The following SMYD4 variants were observed in gnomAD, a reference collection of about 807,000 sequenced individuals.
The protein encoded by SMYD4 is SET and MYND domain containing 4.
A neutral mutation model predicts 72.8 loss-of-function variants in SMYD4; 68 were observed. The ratio of observed to expected loss-of-function variants is 0.93; its 90% CI spans 0.77 to 1.14. The LOEUF (loss-of-function observed/expected upper bound fraction) is 1.14, where lower values mean the gene tolerates loss of function less well. Among genes scored for constraint, SMYD4 ranks in the 50% most tolerant of loss-of-function variants. The pLI is 0.00. For missense variants in SMYD4, 984 were observed against 1,003.7 expected (o/e 0.98, Z 0.27); for synonymous variants, 407 against 388.6 (o/e 1.05, Z -0.56).
At chr17:1,783,184 C>T (rs1053983663) in intron 9 of SMYD4, 26 bp from the exon 10 acceptor site, 5 of 1,613,844 alleles carry the variant, frequency 3.1e-6, no homozygotes, top group East Asian at 2.2e-5. Flanking sequence ...AATCTTGTTC[C>T]AGAAAAGAAC....
chr17:1,794,087 A>ATATGTGTG (rs1284592893), intron 5 of SMYD4, among the ~76,000 whole-genome samples: 1 of 21,112 alleles, frequency 4.7e-5, no homozygotes, highest in African/African-American at 1.8e-4. Flanking sequence ...ATGTGTATAT[A>ATATGTGTG]TATATATATA....
chr17:1,784,635 C>T (rs1163879156), intron 7 of SMYD4, 174 bp from the exon 8 acceptor site: 1 of 925,784 alleles, frequency 1.1e-6, no homozygotes, highest in Non-Finnish European at 1.3e-6. Context: ...GCAATGGCGG[C>T]AATTCTAATG....
Position 1,783,427 on chromosome 17 carries a change from GAAGC to G in SMYD4, c.2066_2069del (p.Ser689ThrfsTer23), listed in dbSNP as rs1567763516. On this transcript the variant is annotated frameshift_variant, in exon 9 of 11. Coordinates refer to ENST00000305513, the MANE Select transcript of SMYD4 (RefSeq NM_052928.3). LOFTEE classifies it high-confidence loss of function. Reference sequence around the variant, plus strand: ...CCACCACGGCGTGCTCTGCCCACAGGAAGCTCTCGGCGTCACGCTGGCACCCCGA... The same window carrying G: ...CCACCACGGCGTGCTCTGCCCACAGGTCTCGGCGTCACGCTGGCACCCCGA... The G allele has an allele frequency of 1.2e-6, 2 of 1,612,786 alleles. No homozygotes were observed. The highest frequency in any genetic ancestry group is 2.2e-5 in the South Asian group (2 of 90,994).
intron 7 of SMYD4, among the ~76,000 whole-genome samples, chr17:1,784,780 C>CT (rs1250780482): frequency 2.0e-5 from 3 of 151,636 alleles, no homozygotes; most frequent in South Asian, 2.1e-4. Flanking sequence ...ACAAACATTT[C>CT]TTTTTTTTGA....
At chr17:1,782,688 TG>T in intron 10 of SMYD4, 1 of 200,798 alleles carries the variant, frequency 5.0e-6, no homozygotes, top group South Asian at 7.9e-5. Flanking sequence ...GGAGGGTGGG[TG>T]GGGCTGCCTG....
intron 2 of SMYD4, among the ~76,000 whole-genome samples, chr17:1,825,559 T>C (rs1911124971): frequency 6.7e-6 from 1 of 150,292 alleles, no homozygotes; most frequent in South Asian, 2.1e-4. Flanking sequence ...TCACCCAGGC[T>C]GGAGTGCAGT....
chr17:1,829,153 C>A (rs943047720), intron 1 of SMYD4, among the ~76,000 whole-genome samples: 1 of 152,166 alleles, frequency 6.6e-6, no homozygotes, highest in Admixed American at 6.6e-5. Context: ...CAACGCTACT[C>A]CAAGCATACC....
At chr17:1,817,001 G>T (rs1910634008) in intron 2 of SMYD4, among the ~76,000 whole-genome samples, 1 of 149,438 alleles carries the variant, frequency 6.7e-6, no homozygotes, top group African/African-American at 2.5e-5. Context: ...CTCCCATTCT[G>T]TGGGTTATCC....
rs1395444394 is a variant in SMYD4 at position 1,784,475 on chromosome 17, TTTTCTCTTTA to T, written c.1885-24_1885-15del. 1.2e-6 allele frequency: 2 copies of T among 1,613,944 alleles called. No individual in the cohort carries two copies. Among genetic ancestry groups the T allele is most frequent in the South Asian group, 2.2e-5 (2 of 91,076 alleles). On this transcript the variant is annotated splice_polypyrimidine_tract_variant and intron_variant, in intron 7 of 10. Coordinates refer to ENST00000305513, the MANE Select transcript of SMYD4 (RefSeq NM_052928.3). ...CACGTCATCTCCCTGTGGAAGTCAG[TTTTCTCTTTA>T]TTCCAATGCCAGGGTCAGTTATCAA...
intron 5 of SMYD4, among the ~76,000 whole-genome samples, chr17:1,794,081 G>GTGTGTGTATATA (rs1454228796): frequency 1.2e-4 from 2 of 17,120 alleles, no homozygotes; most frequent in Non-Finnish European, 2.2e-4. Flanking sequence ...ATATATATGT[G>GTGTGTGTATATA]TATATATATA....
chr17:1,810,474 T>G (rs951888853), intron 3 of SMYD4, among the ~76,000 whole-genome samples: 1 of 151,868 alleles, frequency 6.6e-6, no homozygotes, highest in Non-Finnish European at 1.5e-5. Flanking sequence ...GAGGCAAATG[T>G]TGCAGTGATC....
chr17:1,784,698 C>T (rs1443224133), intron 7 of SMYD4: 1 of 405,066 alleles, frequency 2.5e-6, no homozygotes, highest in African/African-American at 2.2e-5. Context: ...TGGAACAGAA[C>T]TGGTACAGTG....
intron 4 of SMYD4, among the ~76,000 whole-genome samples, chr17:1,803,886 G>GTTTT (rs34556870): frequency 6.9e-6 from 1 of 143,976 alleles, no homozygotes; most frequent in Non-Finnish European, 1.5e-5. Flanking sequence ...AGTTCAGTTA[G>GTTTT]TTTTTTTTTT....
chr17:1,822,371 A>G (rs1293015281), intron 2 of SMYD4, among the ~76,000 whole-genome samples: 1 of 152,186 alleles, frequency 6.6e-6, no homozygotes. Flanking sequence ...GCACTATTTG[A>G]TTTCTTAAAG....
intron 1 of SMYD4, chr17:1,829,293 T>C (rs981192481): frequency 6.6e-6 from 1 of 152,390 alleles, no homozygotes; most frequent in African/African-American, 2.4e-5. Context: ...TGCCAGGCTA[T>C]TTCAACTCTC....
At chr17:1,783,226 G>T (rs1012403253) in intron 9 of SMYD4, 68 bp from the exon 10 acceptor site, 2 of 1,612,640 alleles carry the variant, frequency 1.2e-6, no homozygotes, top group African/African-American at 2.7e-5. Context: ...ATTTTCAGGG[G>T]GAGGAAATGG....
intron 4 of SMYD4, among the ~76,000 whole-genome samples, chr17:1,802,731 T>C (rs751254007): frequency 1.3e-5 from 2 of 152,226 alleles, no homozygotes; most frequent in African/African-American, 2.4e-5. Context: ...TTTTGTAGAA[T>C]GTTGAAACAG....
chr17:1,790,381 TTAG>T (rs1235179270), intron 5 of SMYD4, among the ~76,000 whole-genome samples: 1 of 152,202 alleles, frequency 6.6e-6, no homozygotes, highest in Admixed American at 6.5e-5. Context: ...TAATCATCTA[TTAG>T]TAGAGATAAT....
At chr17:1,818,436 T>C (rs1597395886) in intron 2 of SMYD4, among the ~76,000 whole-genome samples, 2 of 152,330 alleles carry the variant, frequency 1.3e-5, no homozygotes, top group South Asian at 4.1e-4. Context: ...CGCAGGCCTC[T>C]GCTTTAAAAA....
Sources: gnomAD v4.1 joint callset for allele counts (sites outside exome capture counted in the v4.1 genomes callset) on GRCh38, gnomAD v4.1.1 for gene constraint, MANE v1.5 for transcripts, NCBI Gene and HGNC (gene_info 2026-07-23, HGNC 2026-07-21) for gene names.